TRPM3: variants seen among roughly 807,000 people sequenced by gnomAD.
The protein encoded by TRPM3 is transient receptor potential cation channel subfamily M member 3, also known as long transient receptor potential channel 3.
A neutral mutation model predicts 181.2 loss-of-function variants in TRPM3; 77 were observed. The ratio of observed to expected loss-of-function variants is 0.42; its 90% CI spans 0.35 to 0.51. The LOEUF is 0.51. TRPM3 is among the 20% of genes least tolerant of loss of function. The pLI is 0.01. For synonymous variants in TRPM3, 745 were observed against 796.4 expected (o/e 0.94, Z 1.09); for missense variants, 1,759 against 2,196.7 (o/e 0.80, Z 3.98).
chr9:71,119,541 A>T (rs1231188284), intron 1 of TRPM3, among the ~76,000 whole-genome samples: 3 of 144,824 alleles, frequency 2.1e-5, no homozygotes, highest in South Asian at 2.1e-4. Context: ...TTCTCCATTT[A>T]AAAAAAAACT....
chr9:70,672,301 A>G (rs2063122060), intron 9 of TRPM3, among the ~76,000 whole-genome samples: 1 of 152,156 alleles, frequency 6.6e-6, no homozygotes, highest in South Asian at 2.1e-4. Context: ...TGTTGCAGTT[A>G]TCAGGAAAGA....
At chr9:71,353,958 A>T (rs1342284332) in intron 1 of TRPM3, among the ~76,000 whole-genome samples, 1 of 152,136 alleles carries the variant, frequency 6.6e-6, no homozygotes, top group Non-Finnish European at 1.5e-5. Context: ...TTGGCCTAGA[A>T]CCCAGCTCTT....
intron 5 of TRPM3, among the ~76,000 whole-genome samples, chr9:70,831,909 T>C (rs1027509790): frequency 3.5e-5 from 5 of 143,932 alleles, no homozygotes; most frequent in African/African-American, 1.3e-4. Context: ...ATTCTCCAGG[T>C]TGTGCTTATT....
chr9:70,749,038 A>AT (rs35533026), intron 8 of TRPM3, among the ~76,000 whole-genome samples: 29,073 of 151,464 alleles, frequency 0.19, 3,944 homozygotes, highest in African/African-American at 0.38. Flanking sequence ...TCATTTCTGT[A>AT]TTTTTTTTGT....
At chr9:70,931,628 A>C (rs2096776000) in intron 1 of TRPM3, among the ~76,000 whole-genome samples, 1 of 152,188 alleles carries the variant, frequency 6.6e-6, no homozygotes, top group Non-Finnish European at 1.5e-5. Context: ...GCAGCACAGA[A>C]AAATAATCAG....
intron 22 of TRPM3, among the ~76,000 whole-genome samples, chr9:70,570,630 A>G (rs1412011139): frequency 6.6e-6 from 1 of 152,176 alleles, no homozygotes; most frequent in Non-Finnish European, 1.5e-5. Context: ...TTTTAAAAGT[A>G]AATCTGCTGG....
At chr9:71,221,813 G>C (rs116632985) in intron 1 of TRPM3, among the ~76,000 whole-genome samples, 1,756 of 152,288 alleles carry the variant, frequency 0.012, 30 homozygotes, top group African/African-American at 0.04. Flanking sequence ...TAAAAACCAG[G>C]TAAGATAAAG....
intron 6 of TRPM3, among the ~76,000 whole-genome samples, chr9:70,785,424 C>T (rs1261790869): frequency 6.6e-6 from 1 of 152,102 alleles, no homozygotes; most frequent in African/African-American, 2.4e-5. Flanking sequence ...TGTATTTTTT[C>T]TCTCTGCTGC....
At chr9:70,961,292 A>G (rs1405008740) in intron 1 of TRPM3, among the ~76,000 whole-genome samples, 4 of 55,348 alleles carry the variant, frequency 7.2e-5, no homozygotes, top group Non-Finnish European at 1.1e-4. Flanking sequence ...CAGAAGACAT[A>G]CAGCTCTGCA....
At chr9:71,332,391 G>T (rs2090268683) in intron 1 of TRPM3, among the ~76,000 whole-genome samples, 1 of 149,352 alleles carries the variant, frequency 6.7e-6, no homozygotes. Flanking sequence ...GTGTGTGTGT[G>T]TGTGTGTGTG....
At chr9:71,096,555 C>A (rs766939980) in intron 1 of TRPM3, among the ~76,000 whole-genome samples, 1 of 136,772 alleles carries the variant, frequency 7.3e-6, no homozygotes, top group Non-Finnish European at 1.6e-5. Context: ...ATCCTGTGAG[C>A]GCATGCACAC....
intron 1 of TRPM3, among the ~76,000 whole-genome samples, chr9:70,902,336 G>A (rs1235349907): frequency 6.6e-6 from 1 of 152,176 alleles, no homozygotes; most frequent in African/African-American, 2.4e-5. Context: ...TGACTCTGTT[G>A]TACTCAGGAT....
At chr9:71,306,277 A>G (rs368534839) in intron 1 of TRPM3, among the ~76,000 whole-genome samples, 1 of 152,172 alleles carries the variant, frequency 6.6e-6, no homozygotes, top group East Asian at 1.9e-4. Context: ...ATCCCTGAAG[A>G]TAGGTTCTTG....
At position 70,619,018 on chromosome 9, in the gene TRPM3, G is replaced by C. The variant is rs758670480; in HGVS notation, c.2207C>G (p.Thr736Arg). The change falls in exon 17 of 26, where the codon ACG becomes AGG. Residue 736 changes from threonine (T) to arginine (R), a missense_variant. Physicochemically the swap from Thr to Arg is moderately conservative, Grantham distance 71. This residue lies in a region of TRPM3 where 737 missense variants were observed against 957.4 expected (regional missense o/e 0.77). Transcript: ENST00000677713. ...QDEQLAMKLL[T>R]YELKNWSNAT... ...GTTGCTCCAGTTCTTCAGCTCATAC[G>C]TCAGCAGTTTCATGGCCAGCTGTTC... 1.9e-6 allele frequency: 3 copies of C among 1,614,100 alleles called. No individual in the cohort carries two copies. The highest frequency in any genetic ancestry group is 1.7e-5 in the Admixed American group (1 of 60,010).
At chr9:70,987,968 T>C (rs2134091950) in intron 1 of TRPM3, among the ~76,000 whole-genome samples, 1 of 152,258 alleles carries the variant, frequency 6.6e-6, no homozygotes, top group African/African-American at 2.4e-5. Flanking sequence ...CCTTATAATT[T>C]ATTATCATTG....
At chr9:71,443,924 T>C (rs969717684) in intron 1 of TRPM3, among the ~76,000 whole-genome samples, 4 of 152,172 alleles carry the variant, frequency 2.6e-5, no homozygotes, top group Admixed American at 1.3e-4. Context: ...CTCATACCTG[T>C]AATCCCAGCA....
chr9:71,129,153 A>G (rs1372606104), intron 1 of TRPM3, among the ~76,000 whole-genome samples: 1 of 152,210 alleles, frequency 6.6e-6, no homozygotes, highest in African/African-American at 2.4e-5. Flanking sequence ...GTTGATATTT[A>G]TTCTGGTATC....
intron 1 of TRPM3, among the ~76,000 whole-genome samples, chr9:71,324,330 T>C (rs1285052455): frequency 3.3e-5 from 5 of 152,080 alleles, no homozygotes; most frequent in Non-Finnish European, 7.4e-5. Flanking sequence ...TCCAAAGCTA[T>C]CAGTATTTTC....
At chr9:71,261,028 T>G (rs1374009510) in intron 1 of TRPM3, among the ~76,000 whole-genome samples, 1 of 152,184 alleles carries the variant, frequency 6.6e-6, no homozygotes, top group Admixed American at 6.5e-5. Context: ...TCTCTGTATT[T>G]CCAGAATTTG....
Sources: gnomAD v4.1 joint callset for allele counts (sites outside exome capture counted in the v4.1 genomes callset) on GRCh38, gnomAD v4.1.1 for gene constraint, gnomAD v4.1.1 regional missense constraint, MANE v1.5 for transcripts, NCBI Gene and HGNC (gene_info 2026-07-23, HGNC 2026-07-21) for gene names.